The following KCNH1 variants were observed in gnomAD, a reference collection of about 807,000 sequenced individuals.
KCNH1 encodes the protein voltage-gated delayed rectifier potassium channel KCNH1.
Under a neutral mutation model 69.2 loss-of-function variants are expected in KCNH1, and 27 were observed. That is an observed-to-expected ratio of 0.39 (90% CI 0.29 to 0.54). The LOEUF (loss-of-function observed/expected upper bound fraction) is 0.54, where lower values mean the gene tolerates loss of function less well. Among genes scored for constraint, KCNH1 ranks in the 20% least tolerant of loss-of-function variants. KCNH1 has a pLI of 0.68. For synonymous variants in KCNH1, 456 were observed against 487.7 expected (o/e 0.93, Z 0.86); for missense variants, 798 against 1,261.6 (o/e 0.63, Z 5.57).
At chr1:211,010,220 G>C (rs1326949122) in intron 6 of KCNH1, among the ~76,000 whole-genome samples, 2 of 152,146 alleles carry the variant, frequency 1.3e-5, no homozygotes, top group Non-Finnish European at 2.9e-5. Context: ...CAGAGGAACA[G>C]GAGTTGGGGG....
chr1:211,125,770 G>A (rs1691767158), intron 1 of KCNH1, among the ~76,000 whole-genome samples: 1 of 152,172 alleles, frequency 6.6e-6, no homozygotes, highest in Non-Finnish European at 1.5e-5. Context: ...AAGGCTATGG[G>A]AAATGATGGT....
chr1:211,066,895 C>T (rs2102454125), intron 5 of KCNH1, among the ~76,000 whole-genome samples: 1 of 152,294 alleles, frequency 6.6e-6, no homozygotes, highest in East Asian at 1.9e-4. Context: ...GTATCATGAG[C>T]TTTGAGCTGG....
intron 1 of KCNH1, among the ~76,000 whole-genome samples, chr1:211,130,509 A>C (rs1279831636): frequency 6.6e-6 from 1 of 152,206 alleles, no homozygotes; most frequent in Non-Finnish European, 1.5e-5. Context: ...TTTCTTGTTT[A>C]CCACTGTATC....
chr1:210,964,299 G>C (rs532101943), intron 6 of KCNH1, among the ~76,000 whole-genome samples: 1 of 152,162 alleles, frequency 6.6e-6, no homozygotes. Context: ...ACTAAACATG[G>C]AAAGGAACAA....
chr1:210,866,890 T>TTAGATGTGGTATAGCC (rs1686121702), intron 7 of KCNH1, among the ~76,000 whole-genome samples: 2 of 151,690 alleles, frequency 1.3e-5, no homozygotes, highest in African/African-American at 4.8e-5. Context: ...AACAGATGAA[T>TTAGATGTGGTATAGCC]TAGATGTGGT....
At chr1:211,023,063 A>G (rs1689615850) in intron 5 of KCNH1, among the ~76,000 whole-genome samples, 2 of 151,852 alleles carry the variant, frequency 1.3e-5, no homozygotes, top group South Asian at 4.2e-4. Context: ...GTGAGCCAAG[A>G]TCATGCCACT....
intron 10 of KCNH1, among the ~76,000 whole-genome samples, chr1:210,745,814 G>C (rs1683137816): frequency 6.6e-6 from 1 of 152,172 alleles, no homozygotes; most frequent in African/African-American, 2.4e-5. Flanking sequence ...GGGGAGTCAG[G>C]AGGGCATCCA....
At chr1:210,955,142 C>T (rs985157164) in intron 6 of KCNH1, among the ~76,000 whole-genome samples, 2 of 152,152 alleles carry the variant, frequency 1.3e-5, no homozygotes, top group Non-Finnish European at 1.5e-5. Flanking sequence ...TTCCCAGCAC[C>T]ATTTATTAAA....
chr1:210,722,109 T>G (rs1197284670), intron 10 of KCNH1, among the ~76,000 whole-genome samples: 2 of 152,190 alleles, frequency 1.3e-5, no homozygotes, highest in African/African-American at 2.4e-5. Context: ...CAAGGGATCA[T>G]GAGCTTCACA....
intron 7 of KCNH1, among the ~76,000 whole-genome samples, chr1:210,865,714 A>G (rs1172194198): frequency 6.6e-6 from 1 of 152,204 alleles, no homozygotes; most frequent in Non-Finnish European, 1.5e-5. Context: ...CTACACCCCA[A>G]TCGCATTTTC....
intron 7 of KCNH1, among the ~76,000 whole-genome samples, chr1:210,876,650 T>C (rs2102502096): frequency 6.6e-6 from 1 of 152,242 alleles, no homozygotes; most frequent in Non-Finnish European, 1.5e-5. Flanking sequence ...TTTATAAGCT[T>C]CTCTTGAGAG....
intron 10 of KCNH1, among the ~76,000 whole-genome samples, chr1:210,692,795 ATCC>A (rs893548257): frequency 2.6e-5 from 4 of 152,218 alleles, no homozygotes; most frequent in Admixed American, 1.3e-4. Context: ...CCTGGAATGG[ATCC>A]TCCTCCAAAC....
intron 6 of KCNH1, among the ~76,000 whole-genome samples, chr1:210,940,959 G>A (rs1242018238): frequency 3.3e-5 from 5 of 152,198 alleles, no homozygotes; most frequent in Non-Finnish European, 4.4e-5. Flanking sequence ...TCTCCAAGAT[G>A]ACAGTATGTC....
chr1:210,895,918 GATC>G (rs1295128005), intron 7 of KCNH1, among the ~76,000 whole-genome samples: 1 of 152,106 alleles, frequency 6.6e-6, no homozygotes, highest in Non-Finnish European at 1.5e-5. Flanking sequence ...AACACAGACA[GATC>G]ATCAGATAAG....
chr1:211,051,455 T>C (rs1435843828), intron 5 of KCNH1, among the ~76,000 whole-genome samples: 2 of 147,070 alleles, frequency 1.4e-5, no homozygotes, highest in African/African-American at 5.0e-5. Flanking sequence ...TAGGAGCAGC[T>C]GGAAAGGCCT....
At chr1:210,875,834 C>T (rs1686363960) in intron 7 of KCNH1, among the ~76,000 whole-genome samples, 1 of 151,436 alleles carries the variant, frequency 6.6e-6, no homozygotes, top group African/African-American at 2.4e-5. Context: ...AATAGCATTA[C>T]TCTGAGAAGC....
intron 6 of KCNH1, among the ~76,000 whole-genome samples, chr1:211,009,005 C>A (rs1034774164): frequency 2.6e-5 from 4 of 152,028 alleles, no homozygotes; most frequent in African/African-American, 9.7e-5. Context: ...AGAAGAAAGG[C>A]CATTTAGGGG....
At chr1:210,951,792 A>G (rs1251289729) in intron 6 of KCNH1, among the ~76,000 whole-genome samples, 2 of 152,170 alleles carry the variant, frequency 1.3e-5, no homozygotes, top group African/African-American at 4.8e-5. Flanking sequence ...TACAAATAGA[A>G]TAACCCCCTG....
intron 2 of KCNH1, among the ~76,000 whole-genome samples, chr1:211,106,982 G>C (rs1367606832): frequency 6.6e-6 from 1 of 152,102 alleles, no homozygotes; most frequent in Non-Finnish European, 1.5e-5. Context: ...TAACTTTTGA[G>C]TTCACATTTT....
Sources: gnomAD v4.1 joint callset for allele counts (sites outside exome capture counted in the v4.1 genomes callset) on GRCh38, gnomAD v4.1.1 for gene constraint, MANE v1.5 for transcripts, NCBI Gene and HGNC (gene_info 2026-07-23, HGNC 2026-07-21) for gene names.